The following NFIC variants were observed in gnomAD, a reference collection of about 807,000 sequenced individuals.
The protein encoded by NFIC is nuclear factor I C, also known as nuclear factor 1 C-type.
A neutral mutation model predicts 54.4 loss-of-function variants in NFIC; 12 were observed. The ratio of observed to expected loss-of-function variants is 0.22; its 90% CI spans 0.14 to 0.36. NFIC has a LOEUF of 0.36. NFIC is among the 10% of genes least tolerant of loss of function. NFIC has a pLI of 1.00. For synonymous variants in NFIC, 322 were observed against 319.2 expected, an observed-to-expected ratio of 1.01 and a Z score of -0.09; for missense variants, 575 against 718.2, an observed-to-expected ratio of 0.80 and a Z score of 2.28.
chr19:3,389,712 G>A (rs1421966015), intron 2 of NFIC, among the ~76,000 whole-genome samples: 1 of 152,204 alleles, frequency 6.6e-6, no homozygotes, highest in African/African-American at 2.4e-5. Context: ...GCCGGGCGCA[G>A]TGGCTCACAC....
chr19:3,447,299 A>C (rs895016778), intron 6 of NFIC, among the ~76,000 whole-genome samples: 1 of 114,024 alleles, frequency 8.8e-6, no homozygotes, highest in Non-Finnish European at 1.8e-5. Context: ...ACTCTATCTC[A>C]AAAAAAAAAA....
In NFIC at chr19:3,426,231, C is replaced by CT. The variant is rs531487576; in HGVS notation, c.634+1064dup. On this transcript the variant is annotated intron_variant, in intron 3 of 10. Coordinates refer to ENST00000443272, the MANE Select transcript of NFIC (RefSeq NM_001245002.2). ...TACAGGCATGAGCCACCGCGCCTGGCTTTTTTTTTTAATTTTTTAAATATT... is the reference window on the plus strand; with the variant it reads ...TACAGGCATGAGCCACCGCGCCTGGCTTTTTTTTTTTAATTTTTTAAATATT... Among the ~76,000 whole-genome samples, 1,203 of 148,750 alleles carry CT rather than the reference C, an allele frequency of 8.1e-3. 14 individuals carry two copies. The highest frequency in any genetic ancestry group is 0.026 in the African/African-American group (1,056 of 40,582).
intron 2 of NFIC, among the ~76,000 whole-genome samples, chr19:3,405,757 AC>A (rs1190105062): frequency 6.6e-6 from 1 of 151,448 alleles, no homozygotes; most frequent in Non-Finnish European, 1.5e-5. Context: ...CTGCCACTAC[AC>A]CCAGCTAATT....
chr19:3,379,673 C>CTTTTTTTTTTTTTTT (rs370082450), intron 1 of NFIC, among the ~76,000 whole-genome samples: 2 of 102,540 alleles, frequency 2.0e-5, no homozygotes, highest in African/African-American at 4.7e-5. Context: ...TTATTTCTTT[C>CTTTTTTTTTTTTTTT]TTTTTTTTTT....
intron 6 of NFIC, among the ~76,000 whole-genome samples, chr19:3,442,960 A>G (rs1435223163): frequency 6.6e-6 from 1 of 152,212 alleles, no homozygotes; most frequent in African/African-American, 2.4e-5. Flanking sequence ...CCCCAGGGAC[A>G]CTGGCCGGTG....
Position 3,459,381 on chromosome 19 carries a change from C to T in NFIC, c.1509+2746C>T, listed in dbSNP as rs1710437985. Among the ~76,000 whole-genome samples, 1 of 152,136 alleles carries T rather than the reference C, an allele frequency of 6.6e-6. No individual in the cohort carries two copies. Among genetic ancestry groups the T allele is most frequent in the South Asian group, 2.1e-4 (1 of 4,832 alleles). ...GCTGGGTGGCTCTGACGCCCTGGCC[C>T]CTCCCCTCTGTGATGTCCTTCACGC... On this transcript the variant is annotated intron_variant, in intron 10 of 10. Transcript: ENST00000443272. This position sits in a 1 kb window ranked among gnomAD's most constrained non-coding sequence, Gnocchi z 4.2.
At chr19:3,399,319 G>T (rs984323786) in intron 2 of NFIC, among the ~76,000 whole-genome samples, 2 of 151,166 alleles carry the variant, frequency 1.3e-5, no homozygotes, top group Non-Finnish European at 3.0e-5. Flanking sequence ...GCTCACACCT[G>T]TAATCCCAGC....
intron 2 of NFIC, among the ~76,000 whole-genome samples, chr19:3,412,565 C>T (rs184458593): frequency 2.0e-5 from 3 of 152,168 alleles, no homozygotes; most frequent in Admixed American, 6.5e-5. Context: ...CCTGTTCATA[C>T]GTTTTAAAGA....
At chr19:3,422,594 G>C (rs377760349) in intron 2 of NFIC, among the ~76,000 whole-genome samples, 1 of 151,828 alleles carries the variant, frequency 6.6e-6, no homozygotes, top group African/African-American at 2.4e-5. Flanking sequence ...GCGGGTGCCT[G>C]TAGTCCCAGC....
At position 3,452,720 on chromosome 19, in the gene NFIC, C is replaced by T. The variant is rs552551264; in HGVS notation, c.1269+54C>T. On this transcript the variant is annotated intron_variant, in intron 8 of 10. Coordinates refer to ENST00000443272, the MANE Select transcript of NFIC (RefSeq NM_001245002.2). This position sits in a 1 kb window ranked among gnomAD's most constrained non-coding sequence, Gnocchi z 5.3. ...CTCCTGGCGGCTCCAGGTGACCTCC[C>T]GGGGGCCACGTGCTCACACGAAGGC... 139 of 1,531,358 alleles carry T rather than the reference C, an allele frequency of 9.1e-5. No individual in the cohort carries two copies. In the East Asian group the frequency reaches 2.7e-3, roughly 30 times the overall value. The allele number at this position is 1,531,358 out of a possible 1,614,324, so 94.9% of individuals were successfully genotyped here.
At chr19:3,460,322 A>G (rs553417773) in intron 10 of NFIC, among the ~76,000 whole-genome samples, 1 of 152,216 alleles carries the variant, frequency 6.6e-6, no homozygotes, top group African/African-American at 2.4e-5. Context: ...CAGAAATGAG[A>G]GCCAGAGCCA....
At chr19:3,446,794 G>C (rs1273093357) in intron 6 of NFIC, among the ~76,000 whole-genome samples, 1 of 152,084 alleles carries the variant, frequency 6.6e-6, no homozygotes, top group South Asian at 2.1e-4. Flanking sequence ...CACTTTGAGA[G>C]ACCAAGGCAA....
intron 6 of NFIC, among the ~76,000 whole-genome samples, chr19:3,437,644 AAAAAG>A (rs1481205666): frequency 2.0e-5 from 3 of 148,510 alleles, no homozygotes; most frequent in Non-Finnish European, 3.0e-5. Flanking sequence ...TCAAAAAAAA[AAAAAG>A]AAAAAAAAAG....
chr19:3,363,228 T>TGTGTGTGTGTGTGTGTGG (rs1420040180), upstream of NFIC, among the ~76,000 whole-genome samples: 1 of 61,870 alleles, frequency 1.6e-5, no homozygotes, highest in African/African-American at 8.9e-5. Context: ...TGTATATGTA[T>TGTGTGTGTGTGTGTGTGG]GTGTATGTGT....
At chr19:3,461,852 G>A (rs1284351869) in intron 10 of NFIC, among the ~76,000 whole-genome samples, 4 of 150,350 alleles carry the variant, frequency 2.7e-5, no homozygotes, top group Non-Finnish European at 4.4e-5. Context: ...TCAAGAGAGT[G>A]AGACCATCCT....
At chr19:3,384,646 C>T (rs952105512) in intron 2 of NFIC, among the ~76,000 whole-genome samples, 4 of 152,196 alleles carry the variant, frequency 2.6e-5, no homozygotes, top group Non-Finnish European at 5.9e-5. Context: ...GCCTCAGCCT[C>T]CCCAAGTGCG....
In NFIC at chr19:3,368,066, T is replaced by TG. The variant is rs5826819; in HGVS notation, c.30+1410dup. Reference sequence around the variant, plus strand: ...CTCAGTTTCCCTTTCTGAGCAGCTTTGGGGGGGGGGTTCCCGAAGAAGGCA... The same window carrying TG: ...CTCAGTTTCCCTTTCTGAGCAGCTTTGGGGGGGGGGGTTCCCGAAGAAGGCA... On this transcript the variant is annotated intron_variant, in intron 1 of 10. Transcript: ENST00000443272. Among the ~76,000 whole-genome samples the TG allele has an allele frequency of 3.1e-3, 467 of 150,316 alleles. 2 individuals are homozygous for TG. Among genetic ancestry groups the TG allele is most frequent in the South Asian group, 0.01 (49 of 4,718 alleles).
At chr19:3,396,471 CAAAAAA>C (rs60749462) in intron 2 of NFIC, among the ~76,000 whole-genome samples, 2 of 55,522 alleles carry the variant, frequency 3.6e-5, no homozygotes, top group Admixed American at 2.1e-4. Flanking sequence ...GACTCCGTCT[CAAAAAA>C]AAAAAAAAAA....
rs1009650042 is a variant in NFIC, at chr19:3,370,109, G to A, written c.30+3443G>A. On this transcript the variant is annotated intron_variant, in intron 1 of 10. Coordinates refer to ENST00000443272, the MANE Select transcript of NFIC (RefSeq NM_001245002.2). This position sits in a 1 kb window ranked among gnomAD's most constrained non-coding sequence, Gnocchi z 5.2. ...AGTGTAGGTTCTTAGAGGGAGCTTGGGGGGTGCCTACCAGGAGCAGGGGGC... is the reference window on the plus strand; with the variant it reads ...AGTGTAGGTTCTTAGAGGGAGCTTGAGGGGTGCCTACCAGGAGCAGGGGGC... Among the ~76,000 whole-genome samples, 1 of 152,182 alleles carries A rather than the reference G, an allele frequency of 6.6e-6. No individual in the cohort carries two copies. The highest frequency in any genetic ancestry group is 1.5e-5 in the Non-Finnish European group (1 of 68,024).
Sources: allele counts gnomAD v4.1 joint callset (sites outside exome capture counted in the v4.1 genomes callset), GRCh38; gene constraint gnomAD v4.1.1; non-coding constraint Gnocchi (gnomAD v3.1); transcripts MANE v1.5; gene names NCBI Gene and HGNC (gene_info 2026-07-23, HGNC 2026-07-21).